Variants in ZBTB21 observed in about 807,000 individuals in gnomAD.
ZBTB21 encodes zinc finger and BTB domain-containing protein 21.
In ZBTB21, 10 loss-of-function variants were observed where a neutral mutation model predicts 39.8. That is an observed-to-expected ratio of 0.25 (90% CI 0.16 to 0.43). The LOEUF (loss-of-function observed/expected upper bound fraction) is 0.43, where lower values mean the gene tolerates loss of function less well. Among genes scored for constraint, ZBTB21 ranks in the 20% least tolerant of loss-of-function variants. The pLI, the probability that ZBTB21 is intolerant of heterozygous loss-of-function variation, is 1.00. For synonymous variants in ZBTB21, 551 were observed against 498.8 expected (o/e 1.10, Z -1.40); for missense variants, 1,221 against 1,296.3 (o/e 0.94, Z 0.89).
intron 2 of ZBTB21, among the ~76,000 whole-genome samples, chr21:41,994,393 G>C (rs972698828): frequency 2.0e-5 from 3 of 152,142 alleles, no homozygotes; most frequent in Non-Finnish European, 4.4e-5. Context: ...GGTAGATATG[G>C]AAGCAATATT....
At chr21:42,004,028 C>A (rs894534422) in intron 1 of ZBTB21, among the ~76,000 whole-genome samples, 2 of 142,150 alleles carry the variant, frequency 1.4e-5, no homozygotes, top group African/African-American at 2.7e-5. Context: ...TTTGAAGAGT[C>A]TCACTCTGTC....
In ZBTB21 at chr21:41,988,347, AC is replaced by A. The variant is rs2065605561; in HGVS notation, c.*2547del. 6.6e-6 allele frequency: 1 copy of A among 152,234 alleles called. No individual in the cohort carries two copies. The highest frequency in any genetic ancestry group is 6.5e-5 in the Admixed American group (1 of 15,292). The allele number at this position is 152,234 out of a possible 1,614,324, so 9.4% of individuals were successfully genotyped here. ...GCTTTCTACATTTTCAAAATTAATTACAATCCTAAAATATATTTACATGAAT... is the reference window on the plus strand; with the variant it reads ...GCTTTCTACATTTTCAAAATTAATTAAATCCTAAAATATATTTACATGAAT... On this transcript the variant is annotated 3_prime_UTR_variant, in exon 3 of 3. Coordinates refer to ENST00000310826, the MANE Select transcript of ZBTB21 (RefSeq NM_001098402.2).
intron 2 of ZBTB21, among the ~76,000 whole-genome samples, chr21:41,995,708 CAT>C (rs1461723189): frequency 2.0e-5 from 3 of 152,240 alleles, no homozygotes; most frequent in Admixed American, 2.0e-4. Flanking sequence ...GTCTCCAGGA[CAT>C]GTCAGACCTT....
At chr21:42,000,078 G>C (rs1322509860) in intron 2 of ZBTB21, among the ~76,000 whole-genome samples, 2 of 152,148 alleles carry the variant, frequency 1.3e-5, no homozygotes, top group Non-Finnish European at 2.9e-5. Context: ...CAGGGTGGTA[G>C]CAACGGAGGT....
At position 41,987,250 on chromosome 21, in the gene ZBTB21, T is replaced by C. The variant is rs1377615111; in HGVS notation, c.*3645A>G. The C allele has an allele frequency of 6.6e-6, 1 of 152,212 alleles. No individual in the cohort carries two copies. Among genetic ancestry groups the C allele is most frequent in the African/African-American group, 2.4e-5 (1 of 41,456 alleles). 9.4% of individuals were successfully genotyped at this position (152,212 alleles called of 1,614,324 possible). Reference sequence around the variant, plus strand: ...ACTTTGGTTCCCAAAAGACTGTCTCTAAAAGGAATTTTTAAAAACACCTGA... The same window carrying C: ...ACTTTGGTTCCCAAAAGACTGTCTCCAAAAGGAATTTTTAAAAACACCTGA... On this transcript the variant is annotated 3_prime_UTR_variant, in exon 3 of 3. Transcript: ENST00000310826.
rs2065680589 is a variant in ZBTB21, at chr21:41,992,681, T to C, written c.1415A>G (p.Asp472Gly). 2.5e-6 allele frequency: 4 copies of C among 1,613,386 alleles called. No homozygotes were observed. Among genetic ancestry groups the C allele is most frequent in the African/African-American group, 1.3e-5 (1 of 75,006 alleles). The change falls in exon 3 of 3, where the codon GAT becomes GGT. Residue 472 changes from aspartate to glycine, a missense_variant. By Grantham distance (94) the Asp-to-Gly change is moderately conservative. Transcript: ENST00000310826. The surrounding 1 kb of genome is among the most constrained non-coding windows in gnomAD (Gnocchi z 4.1). The part of the protein sequence containing the change: ...VTRDLSLKTE[D>G]DQKDMSRLPA... ...GAGTCTGCTCATGTCTTTTTGGTCATCTTCTGTTTTCAGAGACAGGTCTCT... is the reference window on the plus strand; with the variant it reads ...GAGTCTGCTCATGTCTTTTTGGTCACCTTCTGTTTTCAGAGACAGGTCTCT...
In ZBTB21 at chr21:41,989,991, G is replaced by A. The variant is rs1158975295; in HGVS notation, c.*904C>T. On this transcript the variant is annotated 3_prime_UTR_variant, in exon 3 of 3. Transcript: ENST00000310826. ...TTAAAATCAAAATTAGTGCCATATG[G>A]TTAGCTTTGTTTTTTGTCCTAACTA... 6 of 152,144 alleles carry A rather than the reference G, an allele frequency of 3.9e-5. No individual in the cohort carries two copies. The highest frequency in any genetic ancestry group is 1.4e-4 in the African/African-American group (6 of 41,430). 9.4% of individuals were successfully genotyped at this position (152,144 alleles called of 1,614,324 possible).
chr21:41,995,383 T>C (rs2065732349), intron 2 of ZBTB21, among the ~76,000 whole-genome samples: 1 of 152,166 alleles, frequency 6.6e-6, no homozygotes, highest in East Asian at 1.9e-4. Flanking sequence ...AGGTGACTCG[T>C]TATGTTTTAG....
chr21:42,005,491 C>G (rs181939277), intron 1 of ZBTB21, among the ~76,000 whole-genome samples: 1 of 152,302 alleles, frequency 6.6e-6, no homozygotes, highest in East Asian at 1.9e-4. Flanking sequence ...TTCTTCCTGG[C>G]CCAGTTTTTT....
intron 2 of ZBTB21, among the ~76,000 whole-genome samples, chr21:41,998,816 C>T (rs987861817): frequency 6.6e-6 from 1 of 152,204 alleles, no homozygotes; most frequent in African/African-American, 2.4e-5. Flanking sequence ...GACTTTGCTT[C>T]TAGAGATGAT....
chr21:41,993,863 T>A lies in ZBTB21; in HGVS notation c.233A>T (p.Asp78Val). Residue 78 changes from aspartate to valine, a missense_variant, in exon 3 of 3, where the codon GAT (aspartate) becomes GTT (valine). By Grantham distance (152) the Asp-to-Val change is radical. Transcript: ENST00000310826. Reference protein sequence around the residue: ...TVFQLDFCEPDAFDNVLNYIY... With the variant: ...TVFQLDFCEPVAFDNVLNYIY... ...GTAGTTTAAAACATTATCAAAAGCA[T>A]CTGGCTCACAGAAGTCAAGCTGAAA... 6.2e-7 allele frequency: 1 copy of A among 1,614,066 alleles called. No individual in the cohort carries two copies. The highest frequency in any genetic ancestry group is 8.5e-7 in the Non-Finnish European group (1 of 1,179,982).
intron 2 of ZBTB21, among the ~76,000 whole-genome samples, chr21:42,000,020 T>C (rs979558595): frequency 2.0e-5 from 3 of 152,162 alleles, no homozygotes; most frequent in Admixed American, 1.3e-4. Flanking sequence ...GCGGGCCAGC[T>C]TGCAGTCCAC....
At chr21:41,997,162 T>C (rs920165802) in intron 2 of ZBTB21, among the ~76,000 whole-genome samples, 36 of 152,262 alleles carry the variant, frequency 2.4e-4, no homozygotes, top group Middle Eastern at 6.8e-3. Flanking sequence ...GCTCAAGAGA[T>C]CCTCCTGCTT....
chr21:41,996,400 G>A (rs1601642348), intron 2 of ZBTB21, among the ~76,000 whole-genome samples: 1 of 152,192 alleles, frequency 6.6e-6, no homozygotes, highest in South Asian at 2.1e-4. Context: ...TTGGAGCTTT[G>A]AGATTTGACT....
intron 2 of ZBTB21, among the ~76,000 whole-genome samples, chr21:41,997,294 C>T (rs184805678): frequency 8.6e-4 from 131 of 152,136 alleles, no homozygotes; most frequent in African/African-American, 3.0e-3. Flanking sequence ...AAAGTGTTTA[C>T]GCCAGGCACG....
At chr21:41,999,837 C>T (rs1388361421) in intron 2 of ZBTB21, among the ~76,000 whole-genome samples, 1 of 152,120 alleles carries the variant, frequency 6.6e-6, no homozygotes, top group Non-Finnish European at 1.5e-5. Context: ...AGAAGTAAGA[C>T]CGTCTAGGGC....
chr21:42,008,540 CAA>C (rs68176203), intron 1 of ZBTB21, among the ~76,000 whole-genome samples: 46 of 60,330 alleles, frequency 7.6e-4, no homozygotes, highest in South Asian at 5.3e-3. Context: ...GAAACTCTGT[CAA>C]AAAAAAAAAA....
intron 2 of ZBTB21, among the ~76,000 whole-genome samples, chr21:41,998,364 G>T (rs1013095708): frequency 6.6e-6 from 1 of 151,576 alleles, no homozygotes; most frequent in Non-Finnish European, 1.5e-5. Flanking sequence ...GCTAATTTTT[G>T]TATTTTTATA....
chr21:41,996,598 C>T (rs1162554698), intron 2 of ZBTB21, among the ~76,000 whole-genome samples: 2 of 152,168 alleles, frequency 1.3e-5, no homozygotes, highest in Non-Finnish European at 2.9e-5. Flanking sequence ...AGACTTTGGT[C>T]TGTGGACTTT....
Sources: allele counts gnomAD v4.1 joint callset (sites outside exome capture counted in the v4.1 genomes callset), GRCh38; gene constraint gnomAD v4.1.1; non-coding constraint Gnocchi (gnomAD v3.1); transcripts MANE v1.5; gene names NCBI Gene and HGNC (gene_info 2026-07-23, HGNC 2026-07-21).